The following ADAM18 variants were observed in gnomAD, a reference collection of about 807,000 sequenced individuals.
ADAM18 encodes the protein ADAM metallopeptidase domain 18, also known as disintegrin and metalloproteinase domain-containing protein 18.
ADAM18 carries 117 observed loss-of-function variants against 94.4 expected under a neutral mutation model. That is an observed-to-expected ratio of 1.24 (90% CI 1.07 to 1.45). The LOEUF is 1.45. Ranked by LOEUF, ADAM18 falls within the 40% of genes most tolerant of loss-of-function variation. The pLI, the probability that ADAM18 is intolerant of heterozygous loss-of-function variation, is 0.00. For synonymous variants in ADAM18, 327 were observed against 291.6 expected, an observed-to-expected ratio of 1.12 and a Z score of -1.24; for missense variants, 936 against 880.0, an observed-to-expected ratio of 1.06 and a Z score of -0.81.
intron 6 of ADAM18, among the ~76,000 whole-genome samples, chr8:39,613,263 T>C (rs1353801622): frequency 1.3e-5 from 2 of 152,156 alleles, no homozygotes; most frequent in Non-Finnish European, 2.9e-5. Flanking sequence ...AGGAATAACT[T>C]GGCCTCTCAA....
chr8:39,588,143 A>G (rs1006493264), intron 2 of ADAM18, among the ~76,000 whole-genome samples: 1 of 151,836 alleles, frequency 6.6e-6, no homozygotes, highest in African/African-American at 2.4e-5. Flanking sequence ...ACCATTCTCC[A>G]TTCCCACCAA....
At chr8:39,668,549 C>G (rs1427802243) in intron 14 of ADAM18, among the ~76,000 whole-genome samples, 1 of 152,072 alleles carries the variant, frequency 6.6e-6, no homozygotes, top group Non-Finnish European at 1.5e-5. Context: ...ATGAAACTTA[C>G]AAGGCTCAGA....
At chr8:39,629,276 T>C in intron 6 of ADAM18, 98 bp from the exon 7 acceptor site, 1 of 844,168 alleles carries the variant, frequency 1.2e-6, no homozygotes, top group South Asian at 1.7e-5. Flanking sequence ...CTCATGAAAA[T>C]CTTATATGCA....
Position 39,609,045 on chromosome 8 carries a change from A to G in ADAM18, c.192A>G (p.Ser64=), listed in dbSNP as rs765236524. The G allele has an allele frequency of 2.6e-6, 4 of 1,556,110 alleles. No homozygotes were observed. Among genetic ancestry groups the G allele is most frequent in the Non-Finnish European group, 3.5e-6 (4 of 1,147,208 alleles). ...QPYTLHLGKQ[S]FLPQNFLVYT... is the part of the protein sequence containing the mutation. ...TTATTATTTCTTGGTTTTTTAGATC[A>G]TTCTTACCCCAGAACTTTTTGGTTT... Residue 64 remains serine (S), a synonymous_variant, in exon 4 of 20, where the codon TCA becomes TCG. Coordinates refer to ENST00000265707, the MANE Select transcript of ADAM18 (RefSeq NM_014237.3).
At chr8:39,692,539 T>A (rs1821810953) in intron 16 of ADAM18, 61 bp from the exon 17 acceptor site, 2 of 1,007,202 alleles carry the variant, frequency 2.0e-6, no homozygotes, top group Non-Finnish European at 2.9e-6. Context: ...AAATCATTAA[T>A]GTTTTTTCTT....
intron 12 of ADAM18, among the ~76,000 whole-genome samples, chr8:39,649,122 A>T (rs968850406): frequency 3.3e-5 from 5 of 152,102 alleles, no homozygotes; most frequent in African/African-American, 7.2e-5. Context: ...TATAATATTT[A>T]ACAATTTGTC....
At chr8:39,711,581 A>T (rs575645598) in intron 18 of ADAM18, among the ~76,000 whole-genome samples, 6 of 152,322 alleles carry the variant, frequency 3.9e-5, no homozygotes, top group African/African-American at 1.4e-4. Context: ...GGAACTGAAC[A>T]AATTCTGGAG....
At chr8:39,696,723 T>C (rs570905319) in intron 17 of ADAM18, among the ~76,000 whole-genome samples, 1 of 151,718 alleles carries the variant, frequency 6.6e-6, no homozygotes, top group South Asian at 2.1e-4. Flanking sequence ...CATTTGTCTA[T>C]ATGTCTGTCT....
intron 16 of ADAM18, among the ~76,000 whole-genome samples, chr8:39,684,550 G>A (rs1240685619): frequency 1.3e-5 from 2 of 152,142 alleles, no homozygotes; most frequent in Non-Finnish European, 2.9e-5. Flanking sequence ...GGAATTGTGT[G>A]TCTGGGGCTC....
intron 2 of ADAM18, among the ~76,000 whole-genome samples, chr8:39,589,646 G>T (rs1223271564): frequency 6.6e-6 from 1 of 151,148 alleles, no homozygotes; most frequent in African/African-American, 2.4e-5. Context: ...ACCAACATGG[G>T]TGTATGTATG....
rs71237188 is a variant in ADAM18, at chr8:39,701,117, C to CAAAAAAAAAAAAAAAAAAAAA, written c.1903-5661_1903-5641dup. The stretch of plus-strand genomic sequence containing the variant: ...TGGGCGACAGAGCAAGACTCTGTCT[C>CAAAAAAAAAAAAAAAAAAAAA]AAAAAAAAAAAAAAAAAAAAAAAAA... On this transcript the variant is annotated intron_variant, in intron 17 of 19. Transcript: ENST00000265707. Among the ~76,000 whole-genome samples the CAAAAAAAAAAAAAAAAAAAAA allele has an allele frequency of 8.4e-4, 29 of 34,562 alleles. 2 individuals are homozygous for CAAAAAAAAAAAAAAAAAAAAA. The highest frequency in any genetic ancestry group is 1.1e-3 in the Non-Finnish European group (22 of 19,836). 22.7% of individuals were successfully genotyped at this position (34,562 alleles called of 152,430 possible).
At chr8:39,663,941 C>A in intron 13 of ADAM18, 51 bp downstream of exon 13, 1 of 1,155,058 alleles carries the variant, frequency 8.7e-7, no homozygotes, top group Non-Finnish European at 1.3e-6. Context: ...TAAGAGACGT[C>A]TGTATTAACT....
rs577120763 is a variant in ADAM18 at position 39,674,909 on chromosome 8, T to A, written c.1526-2522T>A. On this transcript the variant is annotated intron_variant, in intron 14 of 19. Coordinates refer to ENST00000265707, the MANE Select transcript of ADAM18 (RefSeq NM_014237.3). ...CTTAGTTCGGCTGGATATGAAATTC[T>A]GGGTTGAAAATTCTTTTCTTTAAGA... 2.6e-5 allele frequency among the ~76,000 whole-genome samples: 4 copies of A among 152,364 alleles called. No homozygotes were observed. The East Asian group carries it at 7.7e-4, about 29-fold the overall frequency.
intron 7 of ADAM18, among the ~76,000 whole-genome samples, chr8:39,631,245 C>T (rs1420584885): frequency 6.6e-6 from 1 of 151,722 alleles, no homozygotes; most frequent in African/African-American, 2.4e-5. Context: ...TTCTTAATTT[C>T]CTTTTGTTTT....
intron 8 of ADAM18, 25 bp downstream of exon 8, chr8:39,637,360 C>A (rs771378054): frequency 1.4e-4 from 226 of 1,574,482 alleles, no homozygotes; most frequent in Non-Finnish European, 1.9e-4. Flanking sequence ...TTTCACATTT[C>A]CATTTTCATG....
chr8:39,662,756 CTGGG>C (rs1820875286), intron 12 of ADAM18, among the ~76,000 whole-genome samples: 1 of 152,122 alleles, frequency 6.6e-6, no homozygotes, highest in Non-Finnish European at 1.5e-5. Context: ...TCCTGAGTAG[CTGGG>C]ATTACAGGCA....
chr8:39,614,482 T>C (rs536297370), intron 6 of ADAM18, among the ~76,000 whole-genome samples: 1 of 152,130 alleles, frequency 6.6e-6, no homozygotes, highest in African/African-American at 2.4e-5. Context: ...ATGCTAAACA[T>C]GGAAACAAAA....
At chr8:39,640,016 A>T (rs1195534425) in intron 10 of ADAM18, among the ~76,000 whole-genome samples, 1 of 152,058 alleles carries the variant, frequency 6.6e-6, no homozygotes, top group Non-Finnish European at 1.5e-5. Context: ...CAAAATTTTA[A>T]TTTTTTTAAT....
chr8:39,611,770 T>C (rs564596347), intron 6 of ADAM18, among the ~76,000 whole-genome samples: 7 of 151,918 alleles, frequency 4.6e-5, no homozygotes, highest in Non-Finnish European at 1.0e-4. Context: ...GGGAACCAAA[T>C]GTATAAAAAA....
Sources: gnomAD v4.1 joint callset for allele counts (sites outside exome capture counted in the v4.1 genomes callset) on GRCh38, gnomAD v4.1.1 for gene constraint, MANE v1.5 for transcripts, NCBI Gene and HGNC (gene_info 2026-07-23, HGNC 2026-07-21) for gene names.